CACNA2D3: variants seen among roughly 807,000 people sequenced by gnomAD.
CACNA2D3 encodes voltage-dependent calcium channel subunit alpha-2/delta-3.
CACNA2D3 carries 60 observed loss-of-function variants against 160.6 expected under a neutral mutation model. The observed-to-expected ratio is 0.37, with a 90% CI of 0.30 to 0.46. The LOEUF (loss-of-function observed/expected upper bound fraction) is 0.46, where lower values mean the gene tolerates loss of function less well. CACNA2D3 is among the 20% of genes least tolerant of loss of function. CACNA2D3 has a pLI of 1.00. For missense variants in CACNA2D3, 1,205 were observed against 1,365.0 expected (o/e 0.88, Z 1.85); for synonymous variants, 558 against 492.9 (o/e 1.13, Z -1.75).
chr3:54,518,782 T>A (rs184474821), intron 5 of CACNA2D3, among the ~76,000 whole-genome samples: 4 of 152,320 alleles, frequency 2.6e-5, no homozygotes, highest in Non-Finnish European at 5.9e-5. Flanking sequence ...CAGATGTCAC[T>A]TGAGTTAATA....
At chr3:54,129,391 A>G (rs551447860) in intron 2 of CACNA2D3, among the ~76,000 whole-genome samples, 1 of 152,370 alleles carries the variant, frequency 6.6e-6, no homozygotes, top group East Asian at 1.9e-4. Flanking sequence ...GCTTTGAACA[A>G]CACTCATTGG....
chr3:54,431,372 A>G (rs1318767372), intron 4 of CACNA2D3, among the ~76,000 whole-genome samples: 1 of 151,912 alleles, frequency 6.6e-6, no homozygotes. Context: ...AAGATAAAAT[A>G]TAATATAGAA....
chr3:54,920,168 G>A (rs1373612547), intron 27 of CACNA2D3, among the ~76,000 whole-genome samples: 1 of 152,202 alleles, frequency 6.6e-6, no homozygotes, highest in Non-Finnish European at 1.5e-5. Flanking sequence ...GACATATGTA[G>A]AGGGCATCAC....
intron 4 of CACNA2D3, among the ~76,000 whole-genome samples, chr3:54,430,984 A>G (rs1699981162): frequency 2.6e-5 from 4 of 152,178 alleles, no homozygotes; most frequent in Admixed American, 2.6e-4. Context: ...TTTGTGTGTT[A>G]TATGTAGTAT....
intron 2 of CACNA2D3, among the ~76,000 whole-genome samples, chr3:54,287,174 A>G (rs1245591556): frequency 6.6e-6 from 1 of 152,188 alleles, no homozygotes; most frequent in Non-Finnish European, 1.5e-5. Flanking sequence ...TGCTGTATTC[A>G]GGAAACCCAT....
intron 3 of CACNA2D3, among the ~76,000 whole-genome samples, chr3:54,351,005 T>TTTTTTTTTTA (rs1211846524): frequency 7.6e-6 from 1 of 132,046 alleles, no homozygotes; most frequent in Non-Finnish European, 1.6e-5. Flanking sequence ...TTTTTTTTTT[T>TTTTTTTTTTA]TGAGACAGAG....
intron 4 of CACNA2D3, among the ~76,000 whole-genome samples, chr3:54,394,763 G>T (rs1342120086): frequency 2.8e-5 from 2 of 70,494 alleles, no homozygotes; most frequent in Non-Finnish European, 5.2e-5. Context: ...GAATAGTGCC[G>T]CAATAAACAT....
intron 35 of CACNA2D3, among the ~76,000 whole-genome samples, chr3:55,024,139 A>G (rs778930990): frequency 5.7e-5 from 8 of 141,098 alleles, no homozygotes; most frequent in South Asian, 2.5e-4. Flanking sequence ...CTTGGAAGCA[A>G]TGGGTTCAGA....
At chr3:54,847,243 T>G (rs1318250695) in intron 17 of CACNA2D3, among the ~76,000 whole-genome samples, 2 of 152,232 alleles carry the variant, frequency 1.3e-5, no homozygotes, top group South Asian at 2.1e-4. Flanking sequence ...CCCTTTGGGT[T>G]TGTGTGTACT....
intron 13 of CACNA2D3, among the ~76,000 whole-genome samples, chr3:54,773,273 A>C (rs918260754): frequency 3.3e-5 from 5 of 152,228 alleles, no homozygotes; most frequent in African/African-American, 9.6e-5. Flanking sequence ...ATAACCTCTT[A>C]CTGCCTAGAA....
chr3:54,451,896 C>T (rs865814862), intron 4 of CACNA2D3, among the ~76,000 whole-genome samples: 2 of 152,190 alleles, frequency 1.3e-5, no homozygotes, highest in African/African-American at 4.8e-5. Context: ...TTTTATACCA[C>T]TCTGTATCTC....
At chr3:54,803,223 G>C (rs1182453839) in intron 13 of CACNA2D3, among the ~76,000 whole-genome samples, 1 of 152,208 alleles carries the variant, frequency 6.6e-6, no homozygotes, top group Non-Finnish European at 1.5e-5. Context: ...TGACTTTGAC[G>C]AGTTGAGGGA....
chr3:54,793,034 A>G (rs1289167022), intron 13 of CACNA2D3, among the ~76,000 whole-genome samples: 2 of 152,180 alleles, frequency 1.3e-5, no homozygotes, highest in African/African-American at 2.4e-5. Flanking sequence ...TTCTACATCC[A>G]TGGAGATTTT....
intron 11 of CACNA2D3, among the ~76,000 whole-genome samples, chr3:54,741,011 C>T (rs1432273951): frequency 6.6e-6 from 1 of 152,108 alleles, no homozygotes; most frequent in Non-Finnish European, 1.5e-5. Context: ...CCCCAAATCC[C>T]AATGAGAAAA....
chr3:54,734,706 T>G (rs1476508874), intron 11 of CACNA2D3, among the ~76,000 whole-genome samples: 1 of 152,210 alleles, frequency 6.6e-6, no homozygotes, highest in Non-Finnish European at 1.5e-5. Flanking sequence ...TGCCAGTTAT[T>G]ACAAAATGGT....
At chr3:54,463,466 T>C (rs1346157368) in intron 4 of CACNA2D3, among the ~76,000 whole-genome samples, 3 of 152,184 alleles carry the variant, frequency 2.0e-5, no homozygotes, top group Non-Finnish European at 2.9e-5. Flanking sequence ...GGAGGCTTTG[T>C]TCATTTCTTT....
intron 2 of CACNA2D3, among the ~76,000 whole-genome samples, chr3:54,289,478 C>G (rs967089086): frequency 6.6e-6 from 1 of 151,982 alleles, no homozygotes; most frequent in Non-Finnish European, 1.5e-5. Context: ...AATGGCCATA[C>G]TGCCCAAGGT....
At chr3:54,195,654 G>C (rs1443126018) in intron 2 of CACNA2D3, among the ~76,000 whole-genome samples, 1 of 152,228 alleles carries the variant, frequency 6.6e-6, no homozygotes, top group Non-Finnish European at 1.5e-5. Context: ...TGCTCAGGTA[G>C]TCCAGGTCTA....
intron 6 of CACNA2D3, among the ~76,000 whole-genome samples, chr3:54,563,204 G>A (rs1429298302): frequency 6.6e-6 from 1 of 152,154 alleles, no homozygotes. Context: ...GTGAAGAACT[G>A]TAGTGTGAAC....
Sources: gnomAD v4.1 joint callset for allele counts (sites outside exome capture counted in the v4.1 genomes callset) on GRCh38, gnomAD v4.1.1 for gene constraint, MANE v1.5 for transcripts, NCBI Gene and HGNC (gene_info 2026-07-23, HGNC 2026-07-21) for gene names.